PRKCA: variants seen among roughly 807,000 people sequenced by gnomAD.
PRKCA encodes protein kinase C alpha, also known as protein kinase C alpha type.
Under a neutral mutation model 87.0 loss-of-function variants are expected in PRKCA, and 27 were observed. The observed-to-expected ratio is 0.31, with a 90% CI of 0.23 to 0.43. The LOEUF (loss-of-function observed/expected upper bound fraction) is 0.43, where lower values mean the gene tolerates loss of function less well. Among genes scored for constraint, PRKCA ranks in the 20% least tolerant of loss-of-function variants. PRKCA has a pLI of 1.00. For synonymous variants in PRKCA, 329 were observed against 311.1 expected (o/e 1.06, Z -0.61); for missense variants, 518 against 852.3 (o/e 0.61, Z 4.88).
At chr17:66,743,570 A>AT (rs1236692341) in intron 13 of PRKCA, among the ~76,000 whole-genome samples, 14 of 151,886 alleles carry the variant, frequency 9.2e-5, no homozygotes, top group African/African-American at 1.9e-4. Flanking sequence ...CTTACAGAGG[A>AT]TTTTTTTTCC....
chr17:66,383,510 C>A (rs2143599923), intron 2 of PRKCA, among the ~76,000 whole-genome samples: 1 of 152,186 alleles, frequency 6.6e-6, no homozygotes, highest in East Asian at 1.9e-4. Flanking sequence ...CCTCAGAAGT[C>A]ATGATAAAAC....
intron 2 of PRKCA, among the ~76,000 whole-genome samples, chr17:66,484,843 A>C (rs539430591): frequency 1.1e-4 from 17 of 152,022 alleles, no homozygotes; most frequent in Non-Finnish European, 1.5e-4. Flanking sequence ...CACTTGTATA[A>C]TTTTTTTTAA....
rs968824862 is a variant in PRKCA at position 66,807,930 on chromosome 17, G to C, written c.*3893G>C. 6.6e-5 allele frequency: 10 copies of C among 152,330 alleles called. No individual in the cohort carries two copies. 9.4% of individuals were successfully genotyped at this position (152,330 alleles called of 1,614,324 possible). A position where few individuals can be genotyped will look rare whatever the true frequency, so the allele number is the denominator to read the frequency against. On this transcript the variant is annotated 3_prime_UTR_variant, in exon 17 of 17. Transcript: ENST00000413366. This position sits in a 1 kb window ranked among gnomAD's most constrained non-coding sequence, Gnocchi z 4.3. ...GAGAGGAAGGGGTGCCACCGTCAAC[G>C]GCTTCCCATCGGAGGTGGTTGGTGC...
intron 13 of PRKCA, among the ~76,000 whole-genome samples, chr17:66,765,903 C>T (rs1036308945): frequency 6.6e-6 from 1 of 152,154 alleles, no homozygotes; most frequent in Non-Finnish European, 1.5e-5. Flanking sequence ...GAATTTGCAG[C>T]GGTGAGGTTG....
intron 3 of PRKCA, among the ~76,000 whole-genome samples, chr17:66,540,969 G>A (rs1267508577): frequency 2.6e-5 from 4 of 152,138 alleles, no homozygotes; most frequent in Non-Finnish European, 5.9e-5. Flanking sequence ...ATAAGACAAG[G>A]TATGTGCAAG....
chr17:66,516,005 C>T (rs182285805), intron 3 of PRKCA, among the ~76,000 whole-genome samples: 2 of 152,270 alleles, frequency 1.3e-5, no homozygotes, highest in East Asian at 3.9e-4. Flanking sequence ...AGATTCAATA[C>T]TTGTGTTTAT....
In PRKCA at chr17:66,742,603, T is replaced by G; in HGVS notation, c.1386-19T>G. On this transcript the variant is annotated intron_variant, in intron 12 of 16. Coordinates refer to ENST00000413366, the MANE Select transcript of PRKCA (RefSeq NM_002737.3). ...TTATGTCATGGGAAGGACTCTGATG[T>G]TAACCCGGTTCCTTGCAGGGATCTG... 6.2e-7 allele frequency: 1 copy of G among 1,612,866 alleles called. No individual in the cohort carries two copies. Among genetic ancestry groups the G allele is most frequent in the Admixed American group, 1.7e-5 (1 of 59,894 alleles).
chr17:66,618,867 C>T (rs1970590611), intron 3 of PRKCA, among the ~76,000 whole-genome samples: 1 of 145,528 alleles, frequency 6.9e-6, no homozygotes, highest in Non-Finnish European at 1.5e-5. Context: ...TCCCTCCCTT[C>T]CTTCCTTCCA....
intron 8 of PRKCA, among the ~76,000 whole-genome samples, chr17:66,695,583 TTTCG>T (rs1392950861): frequency 1.3e-5 from 2 of 152,228 alleles, no homozygotes; most frequent in African/African-American, 2.4e-5. Flanking sequence ...TCATTTATTA[TTTCG>T]TTCATCATTT....
At chr17:66,577,158 C>T (rs35426844) in intron 3 of PRKCA, among the ~76,000 whole-genome samples, 12,220 of 152,176 alleles carry the variant, frequency 0.08, 634 homozygotes, top group South Asian at 0.21. Context: ...GTATGAGCCA[C>T]CGTGCCTGGC....
intron 2 of PRKCA, among the ~76,000 whole-genome samples, chr17:66,369,947 T>C (rs1338534506): frequency 6.6e-6 from 1 of 152,256 alleles, no homozygotes; most frequent in Non-Finnish European, 1.5e-5. Flanking sequence ...ACTGCAGGTA[T>C]TTCTAGCTCA....
intron 2 of PRKCA, among the ~76,000 whole-genome samples, chr17:66,451,272 T>C (rs958764779): frequency 1.3e-5 from 2 of 152,196 alleles, no homozygotes; most frequent in Non-Finnish European, 2.9e-5. Flanking sequence ...GATCTACGTG[T>C]GGATATTCTA....
At chr17:66,418,014 G>C (rs919217101) in intron 2 of PRKCA, among the ~76,000 whole-genome samples, 5 of 152,154 alleles carry the variant, frequency 3.3e-5, no homozygotes, top group Non-Finnish European at 7.3e-5. Flanking sequence ...GTTTGAGCGT[G>C]GACCTCTTCA....
chr17:66,404,231 T>C (rs1911214490), intron 2 of PRKCA: 1 of 152,238 alleles, frequency 6.6e-6, no homozygotes. Context: ...GACCTCGTGC[T>C]AGGAGAAGCC....
chr17:66,540,449 A>G lies in PRKCA; in HGVS notation c.288+44166A>G, dbSNP rs528096060. ...TTTGGGGGTGAGGAGAGGATGAATA[A>G]TCCAAAGAGGGACGTCTCCCGAGAG... On this transcript the variant is annotated intron_variant, in intron 3 of 16. Transcript: ENST00000413366. Among the ~76,000 whole-genome samples the G allele has an allele frequency of 2.0e-5, 3 of 152,210 alleles. No homozygotes were observed. In the South Asian group the frequency reaches 6.2e-4, roughly 32 times the overall value.
chr17:66,303,533 G>A (rs1214506252), intron 1 of PRKCA, among the ~76,000 whole-genome samples: 1 of 152,154 alleles, frequency 6.6e-6, no homozygotes, highest in Non-Finnish European at 1.5e-5. Context: ...TTCCCATCGG[G>A]CTGGACTGCG....
intron 14 of PRKCA, among the ~76,000 whole-genome samples, chr17:66,786,264 C>T (rs1975390832): frequency 6.6e-6 from 1 of 152,230 alleles, no homozygotes; most frequent in Non-Finnish European, 1.5e-5. Flanking sequence ...GCCTTCCTCT[C>T]TCAGCCTGGT....
chr17:66,582,447 C>G (rs557141923), intron 3 of PRKCA, among the ~76,000 whole-genome samples: 95 of 152,260 alleles, frequency 6.2e-4, no homozygotes, highest in African/African-American at 2.2e-3. Flanking sequence ...CGGTTCCCCC[C>G]ATGCTGTTCT....
In PRKCA at chr17:66,509,255, C is replaced by T. The variant is rs188880632; in HGVS notation, c.288+12972C>T. ...GTTGACTCAATGCAATTATGGAGGCCGGCAAGTCCCAAGATTTGCAGGGTG... is the reference window on the plus strand; with the variant it reads ...GTTGACTCAATGCAATTATGGAGGCTGGCAAGTCCCAAGATTTGCAGGGTG... On this transcript the variant is annotated intron_variant, in intron 3 of 16. Transcript: ENST00000413366. Among the ~76,000 whole-genome samples, 83 of 151,522 alleles carry T rather than the reference C, an allele frequency of 5.5e-4. 1 individual carries two copies. Among genetic ancestry groups the T allele is most frequent in the African/African-American group, 1.6e-3 (66 of 41,252 alleles).
Sources: gnomAD v4.1 joint callset for allele counts (sites outside exome capture counted in the v4.1 genomes callset) on GRCh38, gnomAD v4.1.1 for gene constraint, Gnocchi (gnomAD v3.1) non-coding constraint, MANE v1.5 for transcripts, NCBI Gene and HGNC (gene_info 2026-07-23, HGNC 2026-07-21) for gene names.